Variants in SGCD observed in about 807,000 individuals in gnomAD.
The protein encoded by SGCD is sarcoglycan delta.
A neutral mutation model predicts 36.6 loss-of-function variants in SGCD; 18 were observed. That is an observed-to-expected ratio of 0.49 (90% CI 0.34 to 0.73). The LOEUF (loss-of-function observed/expected upper bound fraction) is 0.73. Ranked by LOEUF, SGCD falls within the 30% of genes least tolerant of loss-of-function variation. The pLI, the probability that SGCD is intolerant of heterozygous loss-of-function variation, is 0.01. For synonymous variants in SGCD, 133 were observed against 130.6 expected, an observed-to-expected ratio of 1.02 and a Z score of -0.12; for missense variants, 387 against 346.7, an observed-to-expected ratio of 1.12 and a Z score of -0.92.
intron 3 of SGCD, among the ~76,000 whole-genome samples, chr5:156,306,284 T>C (rs1402195315): frequency 6.6e-6 from 1 of 152,152 alleles, no homozygotes; most frequent in African/African-American, 2.4e-5. Flanking sequence ...CATGCTGTTC[T>C]CATGATAGTG....
chr5:156,022,163 A>G (rs1759119572), intron 1 of SGCD, among the ~76,000 whole-genome samples: 1 of 152,206 alleles, frequency 6.6e-6, no homozygotes, highest in Non-Finnish European at 1.5e-5. Flanking sequence ...TTCTCTTAGC[A>G]TAATGTTTCC....
rs1199071494 is a variant in SGCD at position 156,569,423 on chromosome 5, C to A, written c.295-19808C>A. Among the ~76,000 whole-genome samples, 3 of 152,034 alleles carry A rather than the reference C, an allele frequency of 2.0e-5. No individual in the cohort carries two copies. The South Asian group carries it at 6.2e-4, about 32-fold the overall frequency. On this transcript the variant is annotated intron_variant, in intron 4 of 8. Transcript: ENST00000337851. ...CCTGGCCAACATGGTGAAACCCTGT[C>A]TCTACTAAAAATACAAAAATTAGCC...
At chr5:156,713,429 G>C (rs1390201653) in intron 7 of SGCD, among the ~76,000 whole-genome samples, 1 of 151,620 alleles carries the variant, frequency 6.6e-6, no homozygotes, top group Non-Finnish European at 1.5e-5. Flanking sequence ...CGTTATAGGA[G>C]GGAGAGAGGA....
intron 1 of SGCD, among the ~76,000 whole-genome samples, chr5:155,926,468 G>A (rs544206106): frequency 2.4e-4 from 37 of 152,266 alleles, no homozygotes; most frequent in Admixed American, 6.5e-4. Context: ...AATTAGAAGA[G>A]AGACATACAT....
At chr5:156,443,503 T>C (rs749642141) in intron 3 of SGCD, among the ~76,000 whole-genome samples, 12 of 152,094 alleles carry the variant, frequency 7.9e-5, no homozygotes, top group Non-Finnish European at 1.6e-4. Flanking sequence ...GTGTTAGAAG[T>C]TGGACTGAGC....
chr5:155,968,305 G>C (rs935628134), intron 1 of SGCD, among the ~76,000 whole-genome samples: 1 of 152,018 alleles, frequency 6.6e-6, no homozygotes, highest in Non-Finnish European at 1.5e-5. Context: ...ATGGCACGTG[G>C]GTGCTTTTGG....
chr5:155,769,324 A>G, the SGCD span, among the ~76,000 whole-genome samples: 1 of 151,928 alleles, frequency 6.6e-6, no homozygotes, highest in African/African-American at 2.4e-5. Flanking sequence ...TTCTTATTTA[A>G]GCGTACACCT....
the SGCD span, among the ~76,000 whole-genome samples, chr5:155,776,764 C>G: frequency 6.6e-6 from 1 of 152,070 alleles, no homozygotes; most frequent in East Asian, 1.9e-4. Flanking sequence ...AAAATGTCTG[C>G]TCATCTTATG....
chr5:155,825,679 C>A, the SGCD span, among the ~76,000 whole-genome samples: 1 of 151,246 alleles, frequency 6.6e-6, no homozygotes, highest in Non-Finnish European at 1.5e-5. Flanking sequence ...AGTCCTGGAT[C>A]GAGGAGTGCA....
the SGCD span, among the ~76,000 whole-genome samples, chr5:155,849,971 C>T: frequency 6.6e-6 from 1 of 152,152 alleles, no homozygotes; most frequent in Non-Finnish European, 1.5e-5. Context: ...TAAACTGGGA[C>T]ATTAGAATGA....
rs1437798206 is a variant in SGCD, at chr5:155,928,915, A to C, written c.-282+58491A>C. 2.6e-5 allele frequency among the ~76,000 whole-genome samples: 4 copies of C among 152,118 alleles called. No homozygotes were observed. The East Asian group carries it at 5.8e-4, about 22-fold the overall frequency. On this transcript the variant is annotated intron_variant, in intron 1 of 9. Coordinates refer to the SGCD transcript ENST00000517913. ...CCCTTTATATTCTGAAATCCTTTTG[A>C]GACTACGTTAGGGGGTGTCTCTTGA...
intron 6 of SGCD, among the ~76,000 whole-genome samples, chr5:156,613,178 G>T (rs1002524767): frequency 1.6e-4 from 25 of 152,262 alleles, no homozygotes; most frequent in African/African-American, 6.0e-4. Flanking sequence ...TTGAAATATA[G>T]ATGTTTGTTG....
chr5:156,022,916 C>T (rs563223295), intron 1 of SGCD, among the ~76,000 whole-genome samples: 20 of 152,280 alleles, frequency 1.3e-4, no homozygotes, highest in East Asian at 3.9e-4. Flanking sequence ...AGTGAAAATA[C>T]GGTACAAGGT....
intron 3 of SGCD, among the ~76,000 whole-genome samples, chr5:156,487,960 T>TTATATATATA (rs55795142): frequency 1.9e-4 from 26 of 136,706 alleles, no homozygotes; most frequent in African/African-American, 6.6e-4. Context: ...GTAACATATA[T>TTATATATATA]TATATATATA....
At chr5:155,751,446 T>G in the SGCD span, among the ~76,000 whole-genome samples, 15 of 152,234 alleles carry the variant, frequency 9.9e-5, no homozygotes, top group Non-Finnish European at 1.9e-4. Context: ...TAGGTTGGAG[T>G]GCAATTGCGG....
intron 7 of SGCD, among the ~76,000 whole-genome samples, chr5:156,657,707 G>A (rs1763748410): frequency 6.6e-6 from 1 of 152,012 alleles, no homozygotes; most frequent in African/African-American, 2.4e-5. Context: ...GGTTGCAGTT[G>A]TAGGGGTGGG....
intron 4 of SGCD, among the ~76,000 whole-genome samples, chr5:156,574,420 C>G (rs1490845028): frequency 6.6e-6 from 1 of 152,112 alleles, no homozygotes; most frequent in African/African-American, 2.4e-5. Flanking sequence ...AAGGGAGGTA[C>G]TGTTACTATC....
chr5:156,444,174 C>T (rs909188117), intron 3 of SGCD, among the ~76,000 whole-genome samples: 1 of 136,492 alleles, frequency 7.3e-6, no homozygotes, highest in Non-Finnish European at 1.5e-5. Flanking sequence ...CTCTCTCTCT[C>T]CTTCCCTCTC....
chr5:156,097,757 G>A (rs1761415981), intron 1 of SGCD, among the ~76,000 whole-genome samples: 1 of 152,042 alleles, frequency 6.6e-6, no homozygotes, highest in Admixed American at 6.5e-5. Context: ...TGATTGCCTT[G>A]GTTCTTGGTA....
Sources: allele counts gnomAD v4.1 joint callset (sites outside exome capture counted in the v4.1 genomes callset), GRCh38; gene constraint gnomAD v4.1.1; transcripts MANE v1.5; gene names NCBI Gene and HGNC (gene_info 2026-07-23, HGNC 2026-07-21).